SDF4: variants seen among roughly 807,000 people sequenced by gnomAD.
SDF4 encodes 45 kDa calcium-binding protein.
In SDF4, 22 loss-of-function variants were observed where a neutral mutation model predicts 34.2. The ratio of observed to expected loss-of-function variants is 0.64; its 90% CI spans 0.46 to 0.92. The LOEUF (loss-of-function observed/expected upper bound fraction) is 0.92. Among genes scored for constraint, SDF4 ranks in the 40% least tolerant of loss-of-function variants. The probability of loss-of-function intolerance (pLI) is 0.00; values close to 1 mark genes in which losing one functional copy is unlikely to be tolerated. For missense variants in SDF4, 447 were observed against 499.9 expected, an observed-to-expected ratio of 0.89 and a Z score of 1.01; for synonymous variants, 236 against 203.1, an observed-to-expected ratio of 1.16 and a Z score of -1.38.
chr1:1,220,553 C>T, intron 4 of SDF4: 10 of 1,259,902 alleles, frequency 7.9e-6, no homozygotes, highest in Non-Finnish European at 1.0e-5. Flanking sequence ...GTCCTAGGCA[C>T]CCTGAGGTCG....
intron 4 of SDF4, chr1:1,219,140 C>T (rs988524734): frequency 2.7e-6 from 4 of 1,461,326 alleles, no homozygotes; most frequent in African/African-American, 1.4e-5. Context: ...CTCCCACAGG[C>T]CTGATCCCCA....
intron 4 of SDF4, chr1:1,220,715 C>T: frequency 7.8e-7 from 1 of 1,289,202 alleles, no homozygotes; most frequent in Non-Finnish European, 1.0e-6. Flanking sequence ...AGCTCTAGGT[C>T]CAGGTGGGCC....
intron 4 of SDF4, among the ~76,000 whole-genome samples, chr1:1,222,850 G>A (rs952680078): frequency 6.6e-6 from 1 of 152,242 alleles, no homozygotes; most frequent in African/African-American, 2.4e-5. Flanking sequence ...AGACGAACAC[G>A]TGTGCACACA....
Position 1,218,450 on chromosome 1 carries a change from G to A in SDF4, c.891+8C>T, listed in dbSNP as rs754419014. On this transcript the variant is annotated splice_region_variant and intron_variant, in intron 6 of 6. Transcript: ENST00000360001. The surrounding 1 kb of genome is among the most constrained non-coding windows in gnomAD (Gnocchi z 7.9). ...CCGGCTCCGGGACACGGCTGCGCCA[G>A]GGCTCACCTCCAGCTCCTCGGCGGT... The A allele has an allele frequency of 6.2e-7, 1 of 1,609,176 alleles. No individual in the cohort carries two copies. Among genetic ancestry groups the A allele is most frequent in the Admixed American group, 1.7e-5 (1 of 60,000 alleles).
In SDF4 at chr1:1,218,314, G is replaced by T; in HGVS notation, c.891+144C>A. ...GCCATGCAGCCTGGTGGACACCGCTGAGCAAACGCCCCAGTGACCAGCCCA... is the reference window on the plus strand; with the variant it reads ...GCCATGCAGCCTGGTGGACACCGCTTAGCAAACGCCCCAGTGACCAGCCCA... On this transcript the variant is annotated intron_variant, in intron 6 of 6. Transcript: ENST00000360001. This position sits in a 1 kb window ranked among gnomAD's most constrained non-coding sequence, Gnocchi z 7.9. 1.2e-6 allele frequency: 1 copy of T among 863,884 alleles called. No homozygotes were observed. The highest frequency in any genetic ancestry group is 1.7e-6 in the Non-Finnish European group (1 of 572,620). The allele number at this position is 863,884 out of a possible 1,614,324, so 53.5% of individuals were successfully genotyped here.
intron 4 of SDF4, chr1:1,220,914 G>A (rs996259110): frequency 9.0e-5 from 38 of 423,396 alleles, no homozygotes; most frequent in East Asian, 5.1e-4. Flanking sequence ...GGCACGAACC[G>A]TGTGTGGGGA....
intron 4 of SDF4, among the ~76,000 whole-genome samples, chr1:1,221,956 A>C (rs1272981603): frequency 6.6e-6 from 1 of 151,620 alleles, no homozygotes; most frequent in East Asian, 1.9e-4. Flanking sequence ...TCATGAAAAA[A>C]GAAAGAAGAG....
Position 1,219,419 on chromosome 1 carries a change from C to T in SDF4, c.557-492G>A, listed in dbSNP as rs3737726. 1.2e-4 allele frequency: 117 copies of T among 1,012,862 alleles called. No homozygotes were observed. The East Asian group carries it at 2.0e-3, about 18-fold the overall frequency. The allele number at this position is 1,012,862 out of a possible 1,614,324, so 62.7% of individuals were successfully genotyped here. ...GGGCCTGGGCCCCACCCCCCACACCCGCGCCTGCCCCTCTGGAGGAGCGGA... is the reference window on the plus strand; with the variant it reads ...GGGCCTGGGCCCCACCCCCCACACCTGCGCCTGCCCCTCTGGAGGAGCGGA... On this transcript the variant is annotated intron_variant, in intron 4 of 6. Transcript: ENST00000360001.
chr1:1,226,156 G>A (rs765579412), intron 2 of SDF4, among the ~76,000 whole-genome samples: 2 of 152,260 alleles, frequency 1.3e-5, no homozygotes, highest in Non-Finnish European at 2.9e-5. Context: ...CTGGAAAGGC[G>A]GCAGCTATTG....
At chr1:1,219,948 T>A in intron 4 of SDF4, 1 of 985,578 alleles carries the variant, frequency 1.0e-6, no homozygotes, top group South Asian at 4.7e-5. Flanking sequence ...ACACGACCGG[T>A]TCACTTAAAG....
rs1009932399 is a variant in SDF4, at chr1:1,219,484, G to A, written c.557-557C>T. Reference sequence around the variant, plus strand: ...TGACGTGCGCACGGCGCCGCGGGGCGAAGGACTCACTGCCCTTTTCCGTTT... The same window carrying A: ...TGACGTGCGCACGGCGCCGCGGGGCAAAGGACTCACTGCCCTTTTCCGTTT... On this transcript the variant is annotated intron_variant, in intron 4 of 6. Transcript: ENST00000360001. 4.4e-5 allele frequency: 44 copies of A among 998,380 alleles called. No homozygotes were observed. The African/African-American group carries it at 6.4e-4, about 15-fold the overall frequency. The allele number at this position is 998,380 out of a possible 1,614,324, so 61.8% of individuals were successfully genotyped here. A position where few individuals can be genotyped will look rare whatever the true frequency, so the allele number is the denominator to read the frequency against.
chr1:1,228,929 G>C lies in SDF4; in HGVS notation c.-157C>G. The C allele has an allele frequency of 1.6e-6, 1 of 640,082 alleles. No homozygotes were observed. The highest frequency in any genetic ancestry group is 2.7e-6 in the Non-Finnish European group (1 of 372,786). 39.7% of individuals were successfully genotyped at this position (640,082 alleles called of 1,614,324 possible). A position where few individuals can be genotyped will look rare whatever the true frequency, so the allele number is the denominator to read the frequency against. On this transcript the variant is annotated 5_prime_UTR_variant, in exon 2 of 7. Transcript: ENST00000360001. ...TGTCCCCAGGACGGCCGCAGGATGG[G>C]GACAAGCAGCTCACAGTCTGCAGAG... is the stretch of plus-strand genomic sequence containing the variant.
intron 4 of SDF4, 86 bp from the exon 5 acceptor site, chr1:1,219,013 C>T (rs549100218): frequency 1.7e-5 from 27 of 1,611,146 alleles, no homozygotes; most frequent in South Asian, 1.4e-4. Flanking sequence ...TGCCTGAACT[C>T]GAGGGACACA....
rs769963276 is a variant in SDF4 at position 1,218,479 on chromosome 1, G to A, written c.870C>T (p.Ile290=). ...EELIDSNHDG[I]VTAEELESYM... is the part of the protein sequence containing the mutation. ...TCACCTCCAGCTCCTCGGCGGTCAC[G>A]ATGCCGTCGTGGTTGGAGTCAATGA... is the stretch of plus-strand genomic sequence containing the variant. Residue 290 remains isoleucine, a synonymous_variant, in exon 6 of 7, where the codon ATC becomes ATT. Transcript: ENST00000360001. The surrounding 1 kb of genome is among the most constrained non-coding windows in gnomAD (Gnocchi z 7.9). The A allele has an allele frequency of 1.4e-5, 23 of 1,612,750 alleles. No homozygotes were observed. Among genetic ancestry groups the A allele is most frequent in the African/African-American group, 4.0e-5 (3 of 75,052 alleles).
chr1:1,228,166 C>T (rs1008433918), intron 2 of SDF4, among the ~76,000 whole-genome samples: 2 of 152,230 alleles, frequency 1.3e-5, no homozygotes, highest in African/African-American at 2.4e-5. Flanking sequence ...GCATGGAGGA[C>T]GCTGACCACT....
chr1:1,224,423 G>A (rs1317419616), intron 2 of SDF4, among the ~76,000 whole-genome samples: 2 of 152,146 alleles, frequency 1.3e-5, no homozygotes, highest in South Asian at 4.1e-4. Flanking sequence ...GGGATTACAG[G>A]GGTGCACCAC....
intron 2 of SDF4, among the ~76,000 whole-genome samples, chr1:1,225,390 G>T (rs946988067): frequency 1.9e-4 from 29 of 152,216 alleles, no homozygotes; most frequent in African/African-American, 7.0e-4. Flanking sequence ...CGTCAGGCAG[G>T]TGTGGCCTCT....
intron 4 of SDF4, among the ~76,000 whole-genome samples, chr1:1,222,976 C>T (rs748072236): frequency 5.9e-5 from 9 of 152,062 alleles, no homozygotes; most frequent in African/African-American, 1.2e-4. Flanking sequence ...CACACACGTA[C>T]AAGCACATGC....
At chr1:1,230,927 G>C (rs574926857) in intron 1 of SDF4, among the ~76,000 whole-genome samples, 2 of 152,250 alleles carry the variant, frequency 1.3e-5, no homozygotes, top group Admixed American at 6.5e-5. Flanking sequence ...TGTGTGCAAA[G>C]AGACTGTACT....
Sources: allele counts gnomAD v4.1 joint callset (sites outside exome capture counted in the v4.1 genomes callset), GRCh38; gene constraint gnomAD v4.1.1; non-coding constraint Gnocchi (gnomAD v3.1); transcripts MANE v1.5; gene names NCBI Gene and HGNC (gene_info 2026-07-23, HGNC 2026-07-21).